Variants in PRRC2B observed in about 807,000 individuals in gnomAD.
PRRC2B encodes proline rich coiled-coil 2B, also known as protein PRRC2B.
In PRRC2B, 68 loss-of-function variants were observed where a neutral mutation model predicts 242.3. That is an observed-to-expected ratio of 0.28 (90% CI 0.23 to 0.34). PRRC2B has a LOEUF of 0.34. Among genes scored for constraint, PRRC2B ranks in the 10% least tolerant of loss-of-function variants. The probability of loss-of-function intolerance (pLI) is 1.00; values close to 1 mark genes in which losing one functional copy is unlikely to be tolerated. For missense variants in PRRC2B, 2,835 were observed against 2,954.8 expected (o/e 0.96, Z 0.94); for synonymous variants, 1,228 against 1,173.6 (o/e 1.05, Z -0.95).
chr9:131,388,843 T>C (rs1393667573), intron 1 of PRRC2B, among the ~76,000 whole-genome samples: 1 of 140,240 alleles, frequency 7.1e-6, no homozygotes, highest in African/African-American at 2.8e-5. Context: ...CTTTTACCTT[T>C]TTTTTTTTTT....
chr9:131,472,218 C>G (rs1358411359), intron 14 of PRRC2B, among the ~76,000 whole-genome samples: 12 of 152,140 alleles, frequency 7.9e-5, no homozygotes, highest in African/African-American at 2.9e-4. Context: ...ATCTTTGTAT[C>G]TACAAGATGT....
Position 131,446,258 on chromosome 9 carries a change from T to C in PRRC2B, c.614-143T>C, listed in dbSNP as rs1387503492. 2 of 1,032,154 alleles carry C rather than the reference T, an allele frequency of 1.9e-6. No homozygotes were observed. Among genetic ancestry groups the C allele is most frequent in the Non-Finnish European group, 2.7e-6 (2 of 727,336 alleles). 63.9% of individuals were successfully genotyped at this position (1,032,154 alleles called of 1,614,324 possible). ...CTGCCCCAACCTTCCCTGACAGATT[T>C]AACAGTTCTTCACTTTTGGTGTTTT... On this transcript the variant is annotated intron_variant, in intron 6 of 31. Coordinates refer to ENST00000683519, the MANE Select transcript of PRRC2B (RefSeq NM_013318.4). This position sits in a 1 kb window ranked among gnomAD's most constrained non-coding sequence, Gnocchi z 4.1.
intron 1 of PRRC2B, among the ~76,000 whole-genome samples, chr9:131,380,771 G>A (rs576303988): frequency 2.7e-5 from 4 of 150,854 alleles, no homozygotes; most frequent in East Asian, 2.0e-4. Context: ...CCGGCTACTC[G>A]GAAGGCTGAG....
intron 1 of PRRC2B, among the ~76,000 whole-genome samples, chr9:131,401,691 T>C (rs1837230698): frequency 6.9e-6 from 1 of 145,434 alleles, no homozygotes; most frequent in Non-Finnish European, 1.5e-5. Context: ...GAGACAGAGT[T>C]TTGATGTTGC....
chr9:131,429,237 A>G (rs979576794), intron 1 of PRRC2B, among the ~76,000 whole-genome samples: 9 of 152,082 alleles, frequency 5.9e-5, no homozygotes, highest in Non-Finnish European at 1.2e-4. Context: ...GTGAACCACC[A>G]CGCCCAGCCA....
At position 131,495,986 on chromosome 9, in the gene PRRC2B, C is replaced by A; in HGVS notation, c.*112C>A. Reference sequence around the variant, plus strand: ...AGATCCACCGTCCAAATGCGTGGCCCAGACTGAGAGACCTCCCTCCTCTCC... The same window carrying A: ...AGATCCACCGTCCAAATGCGTGGCCAAGACTGAGAGACCTCCCTCCTCTCC... On this transcript the variant is annotated 3_prime_UTR_variant, in exon 32 of 32. Coordinates refer to ENST00000683519, the MANE Select transcript of PRRC2B (RefSeq NM_013318.4). 3 of 1,438,264 alleles carry A rather than the reference C, an allele frequency of 2.1e-6. No homozygotes were observed. Among genetic ancestry groups the A allele is most frequent in the Non-Finnish European group, 1.9e-6 (2 of 1,067,346 alleles). 89.1% of individuals were successfully genotyped at this position (1,438,264 alleles called of 1,614,324 possible). A position where few individuals can be genotyped will look rare whatever the true frequency, so the allele number is the denominator to read the frequency against.
At chr9:131,381,759 T>C (rs1408227456) in intron 1 of PRRC2B, among the ~76,000 whole-genome samples, 2 of 145,254 alleles carry the variant, frequency 1.4e-5, no homozygotes, top group Non-Finnish European at 3.0e-5. Context: ...ATTGTTTTTT[T>C]GGGACAGTCT....
At position 131,476,142 on chromosome 9, in the gene PRRC2B, A is replaced by G; in HGVS notation, c.4013A>G (p.Gln1338Arg). Residue 1338 changes from glutamine (Q) to arginine (R), a missense_variant, in exon 16 of 32, where the codon CAG becomes CGG. Gln to Arg is a conservative substitution (Grantham distance 43). Around this residue, in one of 7 missense-constraint regions of PRRC2B, gnomAD observed 1,536 missense variants for 1,483.1 expected, o/e 1.04. Transcript: ENST00000683519. ...PEEEPHLLAG[Q>R]WPGRPKLCSG... is the part of the protein sequence containing the mutation. Reference sequence around the variant, plus strand: ...GAGGAGCCCCACCTGCTGGCAGGTCAGTGGCCAGGCAGGCCCAAACTGTGT... The same window carrying G: ...GAGGAGCCCCACCTGCTGGCAGGTCGGTGGCCAGGCAGGCCCAAACTGTGT... 1 of 1,611,424 alleles carries G rather than the reference A, an allele frequency of 6.2e-7. No individual in the cohort carries two copies. The highest frequency in any genetic ancestry group is 8.5e-7 in the Non-Finnish European group (1 of 1,178,438).
intron 1 of PRRC2B, among the ~76,000 whole-genome samples, chr9:131,396,884 C>A (rs1837076874): frequency 6.6e-6 from 1 of 152,096 alleles, no homozygotes; most frequent in African/African-American, 2.4e-5. Flanking sequence ...GACTGAGACC[C>A]AGGTCACCTC....
At chr9:131,481,834 T>C (rs773034346) in intron 20 of PRRC2B, 26 bp downstream of exon 20, 55 of 1,537,692 alleles carry the variant, frequency 3.6e-5, no homozygotes, top group Non-Finnish European at 4.7e-5. Context: ...GCCCACATGC[T>C]GCCCCTGGGA....
rs370139719 is a variant in PRRC2B, at chr9:131,476,380, C to G, written c.4251C>G (p.Ala1417=). Residue 1417 remains alanine, a synonymous_variant, in exon 16 of 32, where the codon GCC becomes GCG. Transcript: ENST00000683519. The part of the protein sequence containing the change: ...GASLGEKKEL[A]KRSFSSQRPV... ...GTTTGGGTGAGAAGAAGGAGCTGGC[C>G]AAGAGGAGCTTCTCCAGTCAGAGAC... The G allele has an allele frequency of 6.2e-6, 10 of 1,602,452 alleles. No individual in the cohort carries two copies. The African/African-American group carries it at 1.2e-4, about 19-fold the overall frequency.
chr9:131,456,091 C>T (rs940222730), intron 10 of PRRC2B, among the ~76,000 whole-genome samples: 9 of 150,912 alleles, frequency 6.0e-5, no homozygotes, highest in Admixed American at 1.3e-4. Context: ...TCAGCCTGGG[C>T]GACAGAGCAA....
At chr9:131,379,711 C>T (rs570240950) in intron 1 of PRRC2B, among the ~76,000 whole-genome samples, 10 of 150,484 alleles carry the variant, frequency 6.6e-5, no homozygotes, top group Non-Finnish European at 8.9e-5. Context: ...CTACAACCTC[C>T]GCCTCCTGGG....
At chr9:131,397,814 A>T (rs1400174152) in intron 1 of PRRC2B, among the ~76,000 whole-genome samples, 1 of 152,144 alleles carries the variant, frequency 6.6e-6, no homozygotes, top group Non-Finnish European at 1.5e-5. Flanking sequence ...GAGCCTATCT[A>T]TACTAGATTT....
intron 1 of PRRC2B, among the ~76,000 whole-genome samples, chr9:131,379,152 C>T (rs1440327876): frequency 6.6e-6 from 1 of 152,162 alleles, no homozygotes; most frequent in Admixed American, 6.6e-5. Flanking sequence ...CATGTGGTAC[C>T]ATGTGTCAGC....
intron 9 of PRRC2B, among the ~76,000 whole-genome samples, chr9:131,448,556 A>AAAAAACAAAAAAAAT (rs1564287306): frequency 7.9e-6 from 1 of 127,210 alleles, no homozygotes; most frequent in Non-Finnish European, 1.7e-5. Context: ...AAAAAAAAAA[A>AAAAAACAAAAAAAAT]AAAAAAAAAA....
At chr9:131,489,707 C>T (rs1418024858) in intron 28 of PRRC2B, among the ~76,000 whole-genome samples, 2 of 152,194 alleles carry the variant, frequency 1.3e-5, no homozygotes, top group African/African-American at 2.4e-5. Context: ...AGTCTCCAAG[C>T]CCCTGTGGCC....
intron 1 of PRRC2B, among the ~76,000 whole-genome samples, chr9:131,412,711 G>C (rs759839638): frequency 1.1e-4 from 17 of 151,442 alleles, no homozygotes; most frequent in Non-Finnish European, 2.1e-4. Context: ...TGTTTTAGCT[G>C]TTTATTTCAG....
chr9:131,399,527 C>G lies in PRRC2B; in HGVS notation c.-52+5264C>G, dbSNP rs898007800. Among the ~76,000 whole-genome samples, 32 of 151,846 alleles carry G rather than the reference C, an allele frequency of 2.1e-4. 1 individual carries two copies. Among genetic ancestry groups the G allele is most frequent in the Admixed American group, 2.0e-3 (30 of 15,228 alleles). On this transcript the variant is annotated intron_variant, in intron 1 of 31. Transcript: ENST00000683519. The stretch of plus-strand genomic sequence containing the variant: ...CCGGGAGGCGGAGTTTGCAGTGAGC[C>G]GAGATCACGACACTGCACTCTAGCC...
Sources: gnomAD v4.1 joint callset for allele counts (sites outside exome capture counted in the v4.1 genomes callset) on GRCh38, gnomAD v4.1.1 for gene constraint, gnomAD v4.1.1 regional missense constraint, Gnocchi (gnomAD v3.1) non-coding constraint, MANE v1.5 for transcripts, NCBI Gene and HGNC (gene_info 2026-07-23, HGNC 2026-07-21) for gene names.